The following KMT2A variants were observed in gnomAD, a reference collection of about 807,000 sequenced individuals.
The protein encoded by KMT2A is lysine methyltransferase 2A.
KMT2A carries 16 observed loss-of-function variants against 345.3 expected under a neutral mutation model. The observed-to-expected ratio is 0.05, with a 90% CI of 0.03 to 0.07. KMT2A has a LOEUF of 0.07. KMT2A is among the 10% of genes least tolerant of loss of function. The pLI, the probability that KMT2A is intolerant of heterozygous loss-of-function variation, is 1.00. For synonymous variants in KMT2A, 1,599 were observed against 1,778.6 expected (o/e 0.90, Z 2.54); for missense variants, 3,272 against 4,841.6 (o/e 0.68, Z 9.62).
chr11:118,460,515 C>G (rs1555032352), intron 1 of KMT2A, among the ~76,000 whole-genome samples: 1 of 152,072 alleles, frequency 6.6e-6, no homozygotes, highest in Non-Finnish European at 1.5e-5. Context: ...TCTCAAACTC[C>G]CTGAGCTCAA....
At chr11:118,488,443 G>A (rs551758865) in intron 10 of KMT2A, 171 bp from the exon 11 acceptor site, 29 of 698,006 alleles carry the variant, frequency 4.2e-5, no homozygotes, top group African/African-American at 1.2e-4. Flanking sequence ...TGAATCTCCC[G>A]CAGTGTCCAA....
rs781859703 is a variant in KMT2A, at chr11:118,505,070, T to C, written c.9178T>C (p.Ser3060Pro). 2.5e-6 allele frequency: 4 copies of C among 1,613,958 alleles called. No homozygotes were observed. In the South Asian group the frequency reaches 4.4e-5, roughly 18 times the overall value. Residue 3060 changes from serine to proline, a missense_variant, in exon 27 of 36, where the codon TCT (serine) becomes CCT (proline). By Grantham distance (74) the Ser-to-Pro change is moderately conservative. Coordinates refer to ENST00000534358, the MANE Select transcript of KMT2A (RefSeq NM_001197104.2). The surrounding 1 kb of genome is among the most constrained non-coding windows in gnomAD (Gnocchi z 4.6). ...CAATTCTACTGATAGTCCTGGCCCG[T>C]CTCAGATTTCCAATGCAGCTGTCCA... ...VPNSTDSPGP[S>P]QISNAAVQTT...
chr11:118,507,027 T>C (rs782043365), intron 27 of KMT2A, among the ~76,000 whole-genome samples: 13 of 152,206 alleles, frequency 8.5e-5, no homozygotes, highest in Admixed American at 2.0e-4. Context: ...CCAAGCACAG[T>C]GGCTCATGTC....
chr11:118,479,225 C>T (rs1379694719), intron 5 of KMT2A, among the ~76,000 whole-genome samples: 3 of 152,242 alleles, frequency 2.0e-5, no homozygotes, highest in African/African-American at 7.2e-5. Flanking sequence ...TACCCATTAG[C>T]CATCCCCTAA....
In KMT2A at chr11:118,523,313, C is replaced by T. The variant is rs1951011884; in HGVS notation, c.*1141C>T. 1 of 229,336 alleles carries T rather than the reference C, an allele frequency of 4.4e-6. No homozygotes were observed. Among genetic ancestry groups the T allele is most frequent in the Admixed American group, 5.7e-5 (1 of 17,614 alleles). 14.2% of individuals were successfully genotyped at this position (229,336 alleles called of 1,614,324 possible). ...GGTCAGTGTCCAGTTGAAGGCAGAA[C>T]ACTAATCAGATTTCAAGGCCCACAA... On this transcript the variant is annotated 3_prime_UTR_variant, in exon 36 of 36. Transcript: ENST00000534358.
rs1555036348 is a variant in KMT2A, at chr11:118,473,248, C to T, written c.2089C>T (p.Leu697=). The change falls in exon 3 of 36, where the codon CTG becomes TTG. Residue 697 remains leucine, a synonymous_variant. Transcript: ENST00000534358. The surrounding 1 kb of genome is among the most constrained non-coding windows in gnomAD (Gnocchi z 5.2). ...RFDMHKRSPL[L]RAPRFTPSEA... is the part of the protein sequence containing the mutation. Reference sequence around the variant, plus strand: ...TGATATGCACAAAAGGAGCCCTCTTCTGAGAGCTCCAAGATTTACTCCAAG... The same window carrying T: ...TGATATGCACAAAAGGAGCCCTCTTTTGAGAGCTCCAAGATTTACTCCAAG... The T allele has an allele frequency of 6.2e-7, 1 of 1,610,642 alleles. No individual in the cohort carries two copies. The highest frequency in any genetic ancestry group is 2.2e-5 in the East Asian group (1 of 44,878).
intron 1 of KMT2A, among the ~76,000 whole-genome samples, chr11:118,439,770 T>G (rs1356886156): frequency 6.6e-6 from 1 of 152,192 alleles, no homozygotes; most frequent in Non-Finnish European, 1.5e-5. Flanking sequence ...CTCCTTACAT[T>G]AAACTTGAGT....
At position 118,473,400 on chromosome 11, in the gene KMT2A, A is replaced by G. The variant is rs1591375512; in HGVS notation, c.2241A>G (p.Glu747=). 6.2e-7 allele frequency: 1 copy of G among 1,614,182 alleles called. No individual in the cohort carries two copies. Among genetic ancestry groups the G allele is most frequent in the South Asian group, 1.1e-5 (1 of 91,086 alleles). Residue 747 remains glutamate (E), a synonymous_variant, in exon 3 of 36, where the codon GAA becomes GAG. Coordinates refer to ENST00000534358, the MANE Select transcript of KMT2A (RefSeq NM_001197104.2). This position sits in a 1 kb window ranked among gnomAD's most constrained non-coding sequence, Gnocchi z 5.2. ...KRKVFSPIRS[E]PRSPSHSMRT... is the part of the protein sequence containing the mutation. ...AAGTGTTTAGTCCTATTCGATCTGA[A>G]CCAAGATCTCCTTCTCACTCCATGA...
At chr11:118,482,126 C>T in intron 7 of KMT2A, 34 bp downstream of exon 7, 3 of 1,559,148 alleles carry the variant, frequency 1.9e-6, no homozygotes, top group Non-Finnish European at 2.6e-6. Context: ...ATTGCTGAAC[C>T]ACAAGTACTA....
rs1950319015 is a variant in KMT2A at position 118,491,166 on chromosome 11, G to A, written c.4697-30G>A. The A allele has an allele frequency of 1.2e-6, 2 of 1,609,484 alleles. No individual in the cohort carries two copies. ...TAAAAACACGGGTATGTGAGCCAAA[G>A]CACTGCTGTAAACTTTGCTTTGCTT... On this transcript the variant is annotated intron_variant, in intron 13 of 35. Transcript: ENST00000534358. The surrounding 1 kb of genome is among the most constrained non-coding windows in gnomAD (Gnocchi z 4.2).
At chr11:118,460,019 A>G (rs1174865458) in intron 1 of KMT2A, among the ~76,000 whole-genome samples, 1 of 152,094 alleles carries the variant, frequency 6.6e-6, no homozygotes, top group East Asian at 1.9e-4. Context: ...TTAAGGGAGG[A>G]ACTAAAAGCT....
In KMT2A at chr11:118,522,338, T is replaced by C. The variant is rs943207658; in HGVS notation, c.*166T>C. ...TCCTATACTCACATCAGACATGTGATCATAGTCCCAGAGACAGAGTTGAGG... is the reference window on the plus strand; with the variant it reads ...TCCTATACTCACATCAGACATGTGACCATAGTCCCAGAGACAGAGTTGAGG... On this transcript the variant is annotated 3_prime_UTR_variant, in exon 36 of 36. Transcript: ENST00000534358. The surrounding 1 kb of genome is among the most constrained non-coding windows in gnomAD (Gnocchi z 5.4). 12 of 647,964 alleles carry C rather than the reference T, an allele frequency of 1.9e-5. No homozygotes were observed. The highest frequency in any genetic ancestry group is 3.1e-5 in the Non-Finnish European group (12 of 381,112). The allele number at this position is 647,964 out of a possible 1,614,324, so 40.1% of individuals were successfully genotyped here. A position where few individuals can be genotyped will look rare whatever the true frequency, so the allele number is the denominator to read the frequency against.
At chr11:118,480,101 C>A in intron 5 of KMT2A, 73 bp from the exon 6 acceptor site, 1 of 1,205,598 alleles carries the variant, frequency 8.3e-7, no homozygotes, top group Non-Finnish European at 1.2e-6. Context: ...TTGTTGCAGA[C>A]AAAATGAACA....
Position 118,473,158 on chromosome 11 carries a change from T to C in KMT2A, c.1999T>C (p.Phe667Leu). 1 of 1,614,094 alleles carries C rather than the reference T, an allele frequency of 6.2e-7. No individual in the cohort carries two copies. The highest frequency in any genetic ancestry group is 8.5e-7 in the Non-Finnish European group (1 of 1,180,020). ...CGAGGACGTTGGCTTTGCATCTGGT[T>C]TTTCTGCATCTGGTACCGCTGCTTC... is the stretch of plus-strand genomic sequence containing the variant. ...TPEDVGFASG[F>L]SASGTAASAR... The change falls in exon 3 of 36, where the codon TTT (phenylalanine) becomes CTT (leucine). Residue 667 changes from phenylalanine (F) to leucine (L), a missense_variant. By Grantham distance (22) the Phe-to-Leu change is conservative. Coordinates refer to ENST00000534358, the MANE Select transcript of KMT2A (RefSeq NM_001197104.2). The surrounding 1 kb of genome is among the most constrained non-coding windows in gnomAD (Gnocchi z 5.2).
At chr11:118,464,324 TGAG>T (rs1351039554) in intron 1 of KMT2A, among the ~76,000 whole-genome samples, 15 of 152,188 alleles carry the variant, frequency 9.9e-5, no homozygotes, top group African/African-American at 3.6e-4. Context: ...TCACCTGAGG[TGAG>T]GAGTTCGAGA....
At position 118,521,789 on chromosome 11, in the gene KMT2A, G is replaced by T; in HGVS notation, c.11644-108G>T. ...GAGAAATCTGGAAATTTTACTAGAA[G>T]AAACTTTCTCAGCCGCTATAGGTAA... is the stretch of plus-strand genomic sequence containing the variant. On this transcript the variant is annotated intron_variant, in intron 35 of 35. Transcript: ENST00000534358. The surrounding 1 kb of genome is among the most constrained non-coding windows in gnomAD (Gnocchi z 5.3). The T allele has an allele frequency of 8.3e-7, 1 of 1,202,914 alleles. No homozygotes were observed. The highest frequency in any genetic ancestry group is 1.2e-6 in the Non-Finnish European group (1 of 865,828). 74.5% of individuals were successfully genotyped at this position (1,202,914 alleles called of 1,614,324 possible). A position where few individuals can be genotyped will look rare whatever the true frequency, so the allele number is the denominator to read the frequency against.
rs1312808428 is a variant in KMT2A, at chr11:118,503,221, G to A, written c.7329G>A (p.Lys2443=). The A allele has an allele frequency of 6.2e-7, 1 of 1,613,926 alleles. No homozygotes were observed. Among genetic ancestry groups the A allele is most frequent in the African/African-American group, 1.3e-5 (1 of 74,902 alleles). Residue 2443 remains lysine, a synonymous_variant, in exon 27 of 36, where the codon AAG becomes AAA. Coordinates refer to ENST00000534358, the MANE Select transcript of KMT2A (RefSeq NM_001197104.2). This position sits in a 1 kb window ranked among gnomAD's most constrained non-coding sequence, Gnocchi z 5.3. ...KKSCKETFKE[K]HSSKSFLEPG... Reference sequence around the variant, plus strand: ...CCTGTAAAGAAACTTTCAAAGAAAAGCATTCCAGTAAATCTTTTTTGGAAC... The same window carrying A: ...CCTGTAAAGAAACTTTCAAAGAAAAACATTCCAGTAAATCTTTTTTGGAAC...
chr11:118,494,232 A>T lies in KMT2A; in HGVS notation c.5179-56A>T. On this transcript the variant is annotated intron_variant, in intron 16 of 35. Coordinates refer to ENST00000534358, the MANE Select transcript of KMT2A (RefSeq NM_001197104.2). The surrounding 1 kb of genome is among the most constrained non-coding windows in gnomAD (Gnocchi z 5.8). Reference sequence around the variant, plus strand: ...TGGATGATTAAGGAGGGAAGAGGAAATGGTTTTCAGAGCACACTGTTTTAA... The same window carrying T: ...TGGATGATTAAGGAGGGAAGAGGAATTGGTTTTCAGAGCACACTGTTTTAA... The T allele has an allele frequency of 1.1e-6, 1 of 897,946 alleles. No homozygotes were observed. Among genetic ancestry groups the T allele is most frequent in the Non-Finnish European group, 1.9e-6 (1 of 538,264 alleles). The allele number at this position is 897,946 out of a possible 1,614,324, so 55.6% of individuals were successfully genotyped here.
At chr11:118,469,138 C>G (rs1438368964) in intron 2 of KMT2A, among the ~76,000 whole-genome samples, 1 of 128,980 alleles carries the variant, frequency 7.8e-6, no homozygotes, top group African/African-American at 2.8e-5. Context: ...CTATCCCTCC[C>G]CCCTCCCCCC....
Sources: gnomAD v4.1 joint callset for allele counts (sites outside exome capture counted in the v4.1 genomes callset) on GRCh38, gnomAD v4.1.1 for gene constraint, Gnocchi (gnomAD v3.1) non-coding constraint, MANE v1.5 for transcripts, NCBI Gene and HGNC (gene_info 2026-07-23, HGNC 2026-07-21) for gene names.